Variants in OR9Q1 observed in about 807,000 individuals in gnomAD.
OR9Q1 encodes olfactory receptor family 9 subfamily Q member 1, also known as olfactory receptor 9Q1.
For missense variants in OR9Q1, 374 were observed against 378.8 expected, an observed-to-expected ratio of 0.99 and a Z score of 0.11; for synonymous variants, 153 against 148.6, an observed-to-expected ratio of 1.03 and a Z score of -0.22.
intron 2 of OR9Q1, among the ~76,000 whole-genome samples, chr11:58,133,193 C>G (rs1295289359): frequency 6.6e-6 from 1 of 152,192 alleles, no homozygotes; most frequent in Non-Finnish European, 1.5e-5. Context: ...TCAGTTTCCT[C>G]TAACATAAAA....
At chr11:58,036,792 C>T (rs535698259) in intron 1 of OR9Q1, among the ~76,000 whole-genome samples, 104 of 152,238 alleles carry the variant, frequency 6.8e-4, no homozygotes, top group African/African-American at 2.2e-3. Context: ...CATGACAAAA[C>T]GAATGGATGA....
chr11:58,154,374 A>C (rs1447177), intron 2 of OR9Q1, among the ~76,000 whole-genome samples: 56,706 of 133,546 alleles, frequency 0.42, 11,205 homozygotes, highest in Admixed American at 0.54. Context: ...AAATCAATGC[A>C]ATGGATTTTT....
In OR9Q1 at chr11:58,041,021, A is replaced by C. The variant is rs569787777; in HGVS notation, c.-92-14849A>C. On this transcript the variant is annotated intron_variant, in intron 1 of 2. Coordinates refer to ENST00000335397, the MANE Select transcript of OR9Q1 (RefSeq NM_001005212.4). ...AGAGTGATATGCTTTGCTTCATTGA[A>C]GGTGTCAGGCAGCCGGCAGGTGGGG... 12 of 152,562 alleles carry C rather than the reference A, an allele frequency of 7.9e-5. No homozygotes were observed. In the East Asian group the frequency reaches 2.3e-3, roughly 29 times the overall value. 9.5% of individuals were successfully genotyped at this position (152,562 alleles called of 1,614,324 possible).
At chr11:58,119,291 C>G in intron 2 of OR9Q1, 2 of 1,613,918 alleles carry the variant, frequency 1.2e-6, no homozygotes, top group Non-Finnish European at 1.7e-6. Context: ...AGTTTGACAT[C>G]TACTTGGATT....
intron 1 of OR9Q1, among the ~76,000 whole-genome samples, chr11:58,032,850 A>G (rs1204793205): frequency 6.6e-6 from 1 of 152,256 alleles, no homozygotes; most frequent in African/African-American, 2.4e-5. Context: ...AAATATTCGC[A>G]AACTATGCAT....
chr11:58,133,922 A>G (rs1854166858), intron 2 of OR9Q1, among the ~76,000 whole-genome samples: 4 of 152,150 alleles, frequency 2.6e-5, no homozygotes, highest in Admixed American at 2.6e-4. Flanking sequence ...GGTCACTGCT[A>G]GCTCCGAGAT....
chr11:58,082,862 G>A (rs972370361), intron 2 of OR9Q1, among the ~76,000 whole-genome samples: 60 of 149,122 alleles, frequency 4.0e-4, no homozygotes, highest in African/African-American at 1.5e-3. Flanking sequence ...AGTTATATAT[G>A]TGTACATGTG....
At chr11:58,134,389 T>C (rs998823399) in intron 2 of OR9Q1, among the ~76,000 whole-genome samples, 1 of 152,172 alleles carries the variant, frequency 6.6e-6, no homozygotes, top group Non-Finnish European at 1.5e-5. Flanking sequence ...ACCTTTCCCA[T>C]TGGCTCTTTG....
intron 2 of OR9Q1, among the ~76,000 whole-genome samples, chr11:58,133,469 T>G (rs1236063073): frequency 6.6e-6 from 1 of 152,202 alleles, no homozygotes; most frequent in Non-Finnish European, 1.5e-5. Context: ...CAAAGCTACA[T>G]GTGATTTTCT....
At chr11:58,125,495 G>A (rs1357090290) in intron 2 of OR9Q1, 2 of 152,182 alleles carry the variant, frequency 1.3e-5, no homozygotes, top group African/African-American at 4.8e-5. Context: ...GGTTGTTTAA[G>A]CATTTTGTAG....
intron 1 of OR9Q1, among the ~76,000 whole-genome samples, chr11:58,038,471 T>C (rs556426745): frequency 6.6e-6 from 1 of 152,238 alleles, no homozygotes; most frequent in East Asian, 1.9e-4. Flanking sequence ...ACTCCACTGT[T>C]ACTCAGAGAA....
intron 1 of OR9Q1, among the ~76,000 whole-genome samples, chr11:58,046,834 G>A (rs537282137): frequency 2.9e-4 from 44 of 151,966 alleles, no homozygotes; most frequent in African/African-American, 1.1e-3. Flanking sequence ...TTGCATTCCA[G>A]CCTGGGCAAC....
intron 2 of OR9Q1, among the ~76,000 whole-genome samples, chr11:58,133,642 G>A (rs1165958698): frequency 6.6e-6 from 1 of 152,168 alleles, no homozygotes; most frequent in African/African-American, 2.4e-5. Context: ...GACATAGAAA[G>A]GTGAGATCAC....
chr11:58,149,409 C>T (rs1425381597), intron 2 of OR9Q1, among the ~76,000 whole-genome samples: 1 of 152,096 alleles, frequency 6.6e-6, no homozygotes, highest in Non-Finnish European at 1.5e-5. Context: ...AAAAAATTTC[C>T]TCTTGATTGT....
At chr11:58,093,133 A>T (rs1295741991) in intron 2 of OR9Q1, among the ~76,000 whole-genome samples, 1 of 152,190 alleles carries the variant, frequency 6.6e-6, no homozygotes, top group Non-Finnish European at 1.5e-5. Context: ...GTTTAGATGC[A>T]CTTCAAAATT....
rs547267494 is a variant in OR9Q1 at position 58,156,735 on chromosome 11, ACT to A, written c.-14-22689_-14-22688del. Among the ~76,000 whole-genome samples the A allele has an allele frequency of 1.9e-3, 284 of 152,024 alleles. 3 individuals are homozygous for A. Among genetic ancestry groups the A allele is most frequent in the Non-Finnish European group, 4.6e-4 (31 of 67,970 alleles). On this transcript the variant is annotated intron_variant, in intron 2 of 2. Transcript: ENST00000335397. The stretch of plus-strand genomic sequence containing the variant: ...AGACTTCTTCTGTGTATTGATCTAT[ACT>A]CTCTCTTTCTGCTCTCTCTCTGTCT...
At chr11:58,165,577 T>C (rs917939742) in intron 2 of OR9Q1, among the ~76,000 whole-genome samples, 1 of 152,230 alleles carries the variant, frequency 6.6e-6, no homozygotes, top group Non-Finnish European at 1.5e-5. Context: ...TTGTTTGATG[T>C]CTGTTTTCCC....
chr11:58,124,450 T>C (rs1565083627), intron 2 of OR9Q1: 1 of 152,160 alleles, frequency 6.6e-6, no homozygotes, highest in Non-Finnish European at 1.5e-5. Flanking sequence ...TAACTTGGGA[T>C]GTTCTCCATA....
chr11:58,024,233 GA>G (rs1173756097), intron 1 of OR9Q1, 129 bp downstream of exon 1: 3 of 152,406 alleles, frequency 2.0e-5, no homozygotes, highest in Non-Finnish European at 2.9e-5. Flanking sequence ...AGGCTGTGAT[GA>G]GCTAGACCCA....
Sources: allele counts gnomAD v4.1 joint callset (sites outside exome capture counted in the v4.1 genomes callset), GRCh38; gene constraint gnomAD v4.1.1; transcripts MANE v1.5; gene names NCBI Gene and HGNC (gene_info 2026-07-23, HGNC 2026-07-21).